Variants in MARK3 observed in about 807,000 individuals in gnomAD.
MARK3 encodes microtubule affinity regulating kinase 3, also known as MAP/microtubule affinity-regulating kinase 3.
In MARK3, 46 loss-of-function variants were observed where a neutral mutation model predicts 90.1. The ratio of observed to expected loss-of-function variants is 0.51; its 90% confidence interval spans 0.40 to 0.65. The LOEUF is 0.65. MARK3 is among the 30% of genes least tolerant of loss of function. MARK3 has a pLI of 0.00. For missense variants in MARK3, 818 were observed against 947.2 expected, an observed-to-expected ratio of 0.86 and a Z score of 1.79; for synonymous variants, 321 against 332.6, an observed-to-expected ratio of 0.97 and a Z score of 0.38.
At chr14:103,485,416 G>A (rs925317649) in intron 14 of MARK3, among the ~76,000 whole-genome samples, 2 of 151,842 alleles carry the variant, frequency 1.3e-5, no homozygotes, top group Admixed American at 6.6e-5. Flanking sequence ...TGGGACTACA[G>A]GCATGGACCA....
chr14:103,467,393 G>T, intron 11 of MARK3: 1 of 346,098 alleles, frequency 2.9e-6, no homozygotes, highest in Non-Finnish European at 5.3e-6. Context: ...GGCCAGGCGT[G>T]GTGGCTCATG....
chr14:103,406,851 T>C (rs2091329129), intron 2 of MARK3, among the ~76,000 whole-genome samples: 1 of 151,684 alleles, frequency 6.6e-6, no homozygotes, highest in Non-Finnish European at 1.5e-5. Context: ...GTTTTTTTTA[T>C]GAGGCAGAGT....
chr14:103,431,492 G>A (rs962667927), intron 3 of MARK3, among the ~76,000 whole-genome samples: 16 of 152,300 alleles, frequency 1.1e-4, no homozygotes, highest in Middle Eastern at 3.4e-3. Flanking sequence ...TTAGCTGGGC[G>A]TGGTGGCACA....
chr14:103,403,329 TGTG>T (rs2091081136), intron 1 of MARK3, among the ~76,000 whole-genome samples: 2 of 350 alleles, frequency 5.7e-3, no homozygotes, highest in East Asian at 0.17. Context: ...TGCCTGGTTG[TGTG>T]TGTGTGTGTG....
chr14:103,484,240 C>T (rs1311626936), intron 14 of MARK3, among the ~76,000 whole-genome samples: 3 of 151,608 alleles, frequency 2.0e-5, no homozygotes, highest in African/African-American at 7.3e-5. Flanking sequence ...TGCAATGGCA[C>T]GATCTCGGGT....
At chr14:103,415,256 A>G (rs1307685510) in intron 2 of MARK3, among the ~76,000 whole-genome samples, 1 of 152,172 alleles carries the variant, frequency 6.6e-6, no homozygotes, top group East Asian at 1.9e-4. Flanking sequence ...ATTATAAACA[A>G]GATACATTAA....
intron 14 of MARK3, chr14:103,490,899 A>G (rs1407738674): frequency 4.2e-6 from 5 of 1,179,902 alleles, no homozygotes; most frequent in Non-Finnish European, 5.4e-6. Flanking sequence ...CTCTGTGGTC[A>G]CTGCTCCTTC....
At chr14:103,475,614 G>A (rs1481346599) in intron 13 of MARK3, among the ~76,000 whole-genome samples, 3 of 152,126 alleles carry the variant, frequency 2.0e-5, no homozygotes, top group Non-Finnish European at 2.9e-5. Context: ...TGGCTGAAGG[G>A]ACAGAAGGGG....
At chr14:103,467,668 C>CT (rs2141609363) in intron 11 of MARK3, 1 of 20,646 alleles carries the variant, frequency 4.8e-5, no homozygotes, top group East Asian at 2.2e-3. Context: ...GAGCGAGACT[C>CT]TGTCTCAAAA....
At chr14:103,494,436 A>G (rs1271481817) in intron 15 of MARK3, among the ~76,000 whole-genome samples, 4 of 147,820 alleles carry the variant, frequency 2.7e-5, no homozygotes, top group Non-Finnish European at 5.9e-5. Context: ...CTGTAATCCC[A>G]GGGAGACTGA....
intron 1 of MARK3, among the ~76,000 whole-genome samples, chr14:103,402,191 A>T (rs1207112628): frequency 6.6e-6 from 1 of 152,234 alleles, no homozygotes; most frequent in African/African-American, 2.4e-5. Context: ...AGCGCTAAGG[A>T]GTTAGTATTT....
At chr14:103,430,321 A>G (rs1327177730) in intron 3 of MARK3, among the ~76,000 whole-genome samples, 3 of 152,302 alleles carry the variant, frequency 2.0e-5, no homozygotes, top group East Asian at 1.9e-4. Context: ...AGCATTTTAC[A>G]TACATTTGTT....
At chr14:103,468,801 T>C (rs2093568638) in intron 12 of MARK3, among the ~76,000 whole-genome samples, 1 of 151,568 alleles carries the variant, frequency 6.6e-6, no homozygotes, top group Admixed American at 6.6e-5. Flanking sequence ...TTTTTTTTTT[T>C]TTTTTAAATG....
chr14:103,460,317 C>T (rs1430032268), intron 6 of MARK3, among the ~76,000 whole-genome samples: 1 of 151,788 alleles, frequency 6.6e-6, no homozygotes, highest in Non-Finnish European at 1.5e-5. Flanking sequence ...GATCTCCTGA[C>T]CTCGTGATCC....
At chr14:103,454,182 G>A (rs1227766100) in intron 5 of MARK3, among the ~76,000 whole-genome samples, 1 of 152,120 alleles carries the variant, frequency 6.6e-6, no homozygotes, top group African/African-American at 2.4e-5. Context: ...TGAGGGCTCA[G>A]TGCACTTGGC....
chr14:103,458,852 T>TTTA, intron 6 of MARK3: 1 of 602,498 alleles, frequency 1.7e-6, no homozygotes, highest in Non-Finnish European at 3.0e-6. Flanking sequence ...TTGCTGTTGC[T>TTTA]TAAATACTAA....
chr14:103,473,543 C>T (rs1428491992), intron 12 of MARK3, among the ~76,000 whole-genome samples: 1 of 152,128 alleles, frequency 6.6e-6, no homozygotes, highest in African/African-American at 2.4e-5. Flanking sequence ...GCTAATATCA[C>T]CCTATGCTTG....
At chr14:103,404,923 A>T (rs1388664464) in intron 1 of MARK3, among the ~76,000 whole-genome samples, 153 bp from the exon 2 acceptor site, 2 of 152,194 alleles carry the variant, frequency 1.3e-5, no homozygotes, top group African/African-American at 4.8e-5. Flanking sequence ...TTTTCCTCAA[A>T]TTTATATTAT....
At chr14:103,410,858 G>A (rs997098005) in intron 2 of MARK3, among the ~76,000 whole-genome samples, 1 of 151,946 alleles carries the variant, frequency 6.6e-6, no homozygotes, top group African/African-American at 2.4e-5. Context: ...CCTTTTAACT[G>A]TTTATGATGT....
Sources: allele counts gnomAD v4.1 joint callset (sites outside exome capture counted in the v4.1 genomes callset), GRCh38; gene constraint gnomAD v4.1.1; transcripts MANE v1.5; gene names NCBI Gene and HGNC (gene_info 2026-07-23, HGNC 2026-07-21).